Variants in RALGAPA1 observed in about 807,000 individuals in gnomAD.
RALGAPA1 encodes Ral GTPase activating protein catalytic subunit alpha 1, also known as ral GTPase-activating protein subunit alpha-1.
Under a neutral mutation model 269.6 loss-of-function variants are expected in RALGAPA1, and 52 were observed. The ratio of observed to expected loss-of-function variants is 0.19; its 90% CI spans 0.15 to 0.24. The LOEUF is 0.24. Among genes scored for constraint, RALGAPA1 ranks in the 10% least tolerant of loss-of-function variants. The probability of loss-of-function intolerance (pLI) is 1.00; values close to 1 mark genes in which losing one functional copy is unlikely to be tolerated. For missense variants in RALGAPA1, 1,917 were observed against 3,013.9 expected (o/e 0.64, Z 8.52); for synonymous variants, 817 against 1,008.3 (o/e 0.81, Z 3.60).
At position 35,762,777 on chromosome 14, in the gene RALGAPA1, A is replaced by C. The variant is rs1368590987; in HGVS notation, c.326-24T>G. 2.3e-6 allele frequency: 3 copies of C among 1,304,386 alleles called. No individual in the cohort carries two copies. The Admixed American group carries it at 5.1e-5, about 22-fold the overall frequency. 80.8% of individuals were successfully genotyped at this position (1,304,386 alleles called of 1,614,324 possible). A position where few individuals can be genotyped will look rare whatever the true frequency, so the allele number is the denominator to read the frequency against. ...TCCTGAAAAGAAAATATGATTTTAAATATTCACATCTTATCTATTTGTAAA... is the reference window on the plus strand; with the variant it reads ...TCCTGAAAAGAAAATATGATTTTAACTATTCACATCTTATCTATTTGTAAA... On this transcript the variant is annotated intron_variant, in intron 4 of 41. Transcript: ENST00000680220.
chr14:35,805,732 T>G (rs2077323937), intron 1 of RALGAPA1, among the ~76,000 whole-genome samples: 1 of 150,936 alleles, frequency 6.6e-6, no homozygotes, highest in Non-Finnish European at 1.5e-5. Flanking sequence ...TTGCCCAGGC[T>G]GGAGTGCAGT....
rs185674712 is a variant in RALGAPA1 at position 35,739,965 on chromosome 14, A to G, written c.1450-1315T>C. On this transcript the variant is annotated intron_variant, in intron 11 of 41. Transcript: ENST00000680220. Reference sequence around the variant, plus strand: ...TACTGAACAGAATCTAGTCCTGTCTATCTCATATTTCCTGCTGTTCTGTCT... The same window carrying G: ...TACTGAACAGAATCTAGTCCTGTCTGTCTCATATTTCCTGCTGTTCTGTCT... Among the ~76,000 whole-genome samples the G allele has an allele frequency of 5.3e-3, 808 of 152,242 alleles. 8 individuals carry two copies. Among genetic ancestry groups the G allele is most frequent in the Non-Finnish European group, 8.2e-3 (555 of 67,986 alleles).
chr14:35,655,779 ATATAT>A, intron 29 of RALGAPA1, 23 bp downstream of exon 29: 1 of 1,605,436 alleles, frequency 6.2e-7, no homozygotes, highest in Non-Finnish European at 8.5e-7. Context: ...TCCTATCTTA[ATATAT>A]TTCACTAAAC....
chr14:35,715,071 AC>A (rs2068695389), intron 16 of RALGAPA1, among the ~76,000 whole-genome samples: 1 of 152,088 alleles, frequency 6.6e-6, no homozygotes, highest in Admixed American at 6.6e-5. Context: ...ACGGGCTTCT[AC>A]TTACTCATTT....
Position 35,683,964 on chromosome 14 carries a change from G to T in RALGAPA1, c.4316C>A (p.Thr1439Asn). ...CACATCAGCAGAGGACGTAACCCCA[G>T]TGTCGGTTCCAAAGCCAAAATCTAT... Reference protein sequence around the residue: ...KFDNFGFGTDTGVTSSADVDS... With the variant: ...KFDNFGFGTDNGVTSSADVDS... Residue 1439 changes from threonine (T) to asparagine (N), a missense_variant, in exon 21 of 42, where the codon ACT becomes AAT. This residue lies in a region of RALGAPA1 where 615 missense variants were observed against 790.0 expected (regional missense o/e 0.78). Transcript: ENST00000680220. The T allele has an allele frequency of 6.2e-7, 1 of 1,610,714 alleles. No homozygotes were observed. Among genetic ancestry groups the T allele is most frequent in the Middle Eastern group, 1.7e-4 (1 of 6,044 alleles).
At chr14:35,637,910 A>T (rs2061762200) in intron 31 of RALGAPA1, among the ~76,000 whole-genome samples, 1 of 152,228 alleles carries the variant, frequency 6.6e-6, no homozygotes, top group Admixed American at 6.5e-5. Context: ...AGAGAATGGC[A>T]TGACATATTT....
chr14:35,570,863 T>G, intron 38 of RALGAPA1, 119 bp from the exon 39 acceptor site: 2 of 893,438 alleles, frequency 2.2e-6, no homozygotes, highest in Non-Finnish European at 3.3e-6. Context: ...CTTCCTTCAG[T>G]AAAAATACTA....
chr14:35,559,901 C>T (rs756894872), intron 39 of RALGAPA1, among the ~76,000 whole-genome samples: 2 of 152,086 alleles, frequency 1.3e-5, no homozygotes, highest in Non-Finnish European at 2.9e-5. Context: ...TATCATGAGT[C>T]TATCATAAGA....
chr14:35,657,046 T>C (rs1352021942), intron 28 of RALGAPA1, among the ~76,000 whole-genome samples: 1 of 152,080 alleles, frequency 6.6e-6, no homozygotes, highest in Non-Finnish European at 1.5e-5. Flanking sequence ...AGAAAGGATA[T>C]ATATATTTTT....
At chr14:35,571,026 C>T (rs1337429515) in intron 38 of RALGAPA1, among the ~76,000 whole-genome samples, 4 of 152,104 alleles carry the variant, frequency 2.6e-5, no homozygotes, top group Non-Finnish European at 4.4e-5. Flanking sequence ...TTACTAGTTT[C>T]AATTGTATAC....
chr14:35,679,190 G>A (rs1273444415), intron 21 of RALGAPA1, among the ~76,000 whole-genome samples: 3 of 152,190 alleles, frequency 2.0e-5, no homozygotes, highest in Non-Finnish European at 4.4e-5. Context: ...TACCAAGCAA[G>A]TTGTTAAAAC....
intron 28 of RALGAPA1, 128 bp from the exon 29 acceptor site, chr14:35,656,043 A>G: frequency 6.7e-7 from 1 of 1,483,282 alleles, no homozygotes; most frequent in Non-Finnish European, 9.0e-7. Flanking sequence ...TACTCTATAC[A>G]TTAACTGGTA....
chr14:35,667,087 A>T (rs1329691778), intron 26 of RALGAPA1, among the ~76,000 whole-genome samples: 1 of 152,102 alleles, frequency 6.6e-6, no homozygotes, highest in African/African-American at 2.4e-5. Context: ...GGATTCAATC[A>T]TTTCTCTAAC....
intron 4 of RALGAPA1, among the ~76,000 whole-genome samples, 190 bp from the exon 5 acceptor site, chr14:35,762,943 G>A (rs1351985741): frequency 6.6e-6 from 1 of 151,928 alleles, no homozygotes; most frequent in Admixed American, 6.6e-5. Context: ...TTCAACACAT[G>A]CTTTATTGCA....
In RALGAPA1 at chr14:35,627,324, G is replaced by A. The variant is rs577736342; in HGVS notation, c.6623C>T (p.Ser2208Leu). ...SPECLQRTGI[S>L]LNIPAPQPVC... ...AGGTTGTGGAGCAGGAATATTAAGT[G>A]AGATTCCAGTTCTCTGTAAGCATTC... is the stretch of plus-strand genomic sequence containing the variant. Residue 2208 changes from serine to leucine, a missense_variant, in exon 34 of 42, where the codon TCA becomes TTA. Physicochemically the swap from Ser to Leu is moderately radical, Grantham distance 145. Transcript: ENST00000680220. 6.2e-7 allele frequency: 1 copy of A among 1,609,398 alleles called. No homozygotes were observed. Among genetic ancestry groups the A allele is most frequent in the East Asian group, 2.2e-5 (1 of 44,862 alleles).
chr14:35,579,325 G>A (rs1180336063), intron 37 of RALGAPA1, among the ~76,000 whole-genome samples: 1 of 152,154 alleles, frequency 6.6e-6, no homozygotes, highest in East Asian at 1.9e-4. Context: ...TAGTGCCATA[G>A]TGAGGAATTA....
chr14:35,742,045 T>TA (rs943225303), intron 11 of RALGAPA1, among the ~76,000 whole-genome samples: 8 of 152,198 alleles, frequency 5.3e-5, no homozygotes, highest in African/African-American at 1.7e-4. Context: ...CCCCTGAAAG[T>TA]ATGTATTTTA....
At chr14:35,797,407 T>TA (rs1450506830) in intron 1 of RALGAPA1, among the ~76,000 whole-genome samples, 1 of 137,586 alleles carries the variant, frequency 7.3e-6, no homozygotes, top group African/African-American at 3.0e-5. Flanking sequence ...AACAAAAGCA[T>TA]AAAGAATCCA....
chr14:35,585,068 T>A (rs1314199560), intron 37 of RALGAPA1, among the ~76,000 whole-genome samples: 1 of 152,180 alleles, frequency 6.6e-6, no homozygotes, highest in Non-Finnish European at 1.5e-5. Flanking sequence ...GCAAGAAAGT[T>A]ATCAGCGATA....
Sources: allele counts gnomAD v4.1 joint callset (sites outside exome capture counted in the v4.1 genomes callset), GRCh38; gene constraint gnomAD v4.1.1; regional missense constraint gnomAD v4.1.1; transcripts MANE v1.5; gene names NCBI Gene and HGNC (gene_info 2026-07-23, HGNC 2026-07-21).